The following RAI1 variants were observed in gnomAD, a reference collection of about 807,000 sequenced individuals.
RAI1 encodes the protein retinoic acid-induced protein 1.
In RAI1, 9 loss-of-function variants were observed where a neutral mutation model predicts 123.8. The ratio of observed to expected loss-of-function variants is 0.07; its 90% CI spans 0.04 to 0.13. The LOEUF (loss-of-function observed/expected upper bound fraction) is 0.13. Among genes scored for constraint, RAI1 ranks in the 10% least tolerant of loss-of-function variants. RAI1 has a pLI of 1.00. For missense variants in RAI1, 2,256 were observed against 2,545.8 expected (o/e 0.89, Z 2.45); for synonymous variants, 1,231 against 1,127.3 (o/e 1.09, Z -1.84).
intron 2 of RAI1, among the ~76,000 whole-genome samples, chr17:17,732,593 C>A (rs1916306442): frequency 6.6e-6 from 1 of 152,180 alleles, no homozygotes; most frequent in Non-Finnish European, 1.5e-5. Context: ...CAGGTCCCAA[C>A]TGAGCCTGTT....
chr17:17,716,719 CACAT>C (rs1474486947), intron 1 of RAI1, among the ~76,000 whole-genome samples: 1 of 24,136 alleles, frequency 4.1e-5, no homozygotes, highest in Non-Finnish European at 9.0e-5. Flanking sequence ...GTGTCTGGCC[CACAT>C]GTGTCTGGCC....
intron 2 of RAI1, among the ~76,000 whole-genome samples, chr17:17,781,359 T>C (rs1437233114): frequency 6.6e-6 from 1 of 152,084 alleles, no homozygotes; most frequent in Non-Finnish European, 1.5e-5. Flanking sequence ...AAATGTCAAG[T>C]GAGGGAGAGA....
intron 4 of RAI1, among the ~76,000 whole-genome samples, chr17:17,806,898 C>T (rs950989131): frequency 1.3e-5 from 2 of 152,172 alleles, no homozygotes; most frequent in South Asian, 2.1e-4. Context: ...GACCTGGGTG[C>T]GGGGAGGGGA....
rs1197967787 is a variant in RAI1, at chr17:17,706,022, C to CAAA, written c.-148-17983_-148-17981dup. 2.0e-3 allele frequency among the ~76,000 whole-genome samples: 76 copies of CAAA among 37,294 alleles called. 2 individuals carry two copies. The highest frequency in any genetic ancestry group is 5.0e-3 in the African/African-American group (57 of 11,390). 24.5% of individuals were successfully genotyped at this position (37,294 alleles called of 152,430 possible). On this transcript the variant is annotated intron_variant, in intron 1 of 5. Transcript: ENST00000353383. ...CTGGCAACAGAGCGAGACTCTGTCTCAAAAAAAAAAAAAAAAAAAAAAAAA... is the reference window on the plus strand; with the variant it reads ...CTGGCAACAGAGCGAGACTCTGTCTCAAAAAAAAAAAAAAAAAAAAAAAAAAAA...
chr17:17,767,801 C>G (rs79318165), intron 2 of RAI1, among the ~76,000 whole-genome samples: 1,972 of 152,332 alleles, frequency 0.013, 43 homozygotes, highest in African/African-American at 0.043. Flanking sequence ...CCTTGTTATT[C>G]CAGCCTTGCT....
At chr17:17,707,790 T>C (rs1915437560) in intron 1 of RAI1, among the ~76,000 whole-genome samples, 1 of 152,298 alleles carries the variant, frequency 6.6e-6, no homozygotes, top group South Asian at 2.1e-4. Context: ...GACGGGTTTT[T>C]GCCATGTTGC....
rs1385679683 is a variant in RAI1, at chr17:17,708,139, G to C, written c.-148-15889G>C. Among the ~76,000 whole-genome samples, 3 of 152,278 alleles carry C rather than the reference G, an allele frequency of 2.0e-5. No homozygotes were observed. In the East Asian group the frequency reaches 5.8e-4, roughly 29 times the overall value. On this transcript the variant is annotated intron_variant, in intron 1 of 5. Transcript: ENST00000353383. ...CCTCTCAGGTCTCTGCCTCTGCCTTGCTCCTCCTCCTTCCTCCTGCTGCCA... is the reference window on the plus strand; with the variant it reads ...CCTCTCAGGTCTCTGCCTCTGCCTTCCTCCTCCTCCTTCCTCCTGCTGCCA...
At chr17:17,741,301 G>A (rs1168974646) in intron 2 of RAI1, among the ~76,000 whole-genome samples, 6 of 152,144 alleles carry the variant, frequency 3.9e-5, no homozygotes, top group African/African-American at 7.2e-5. Context: ...AAGAAAATCC[G>A]ATTCTGGAGT....
intron 1 of RAI1, among the ~76,000 whole-genome samples, chr17:17,692,053 A>T (rs1381496155): frequency 6.6e-6 from 1 of 152,210 alleles, no homozygotes; most frequent in African/African-American, 2.4e-5. Flanking sequence ...CGTTTTGCCA[A>T]ATCAGACTTA....
chr17:17,794,804 G>T lies in RAI1; in HGVS notation c.1856G>T (p.Gly619Val). 1 of 1,613,158 alleles carries T rather than the reference G, an allele frequency of 6.2e-7. No individual in the cohort carries two copies. Among genetic ancestry groups the T allele is most frequent in the Non-Finnish European group, 8.5e-7 (1 of 1,180,030 alleles). Residue 619 changes from glycine to valine, a missense_variant, in exon 3 of 6, where the codon GGT becomes GTT. Coordinates refer to ENST00000353383, the MANE Select transcript of RAI1 (RefSeq NM_030665.4). ...ATCCTGGGGCTGCAGGAAGCCATCG[G>T]TGAGAAGGCCGACAAAGCTTGGGCT... ...SEILGLQEAI[G>V]EKADKAWAEA... is the part of the protein sequence containing the mutation.
chr17:17,763,490 G>C (rs563327321), intron 2 of RAI1, among the ~76,000 whole-genome samples: 1 of 152,340 alleles, frequency 6.6e-6, no homozygotes, highest in Non-Finnish European at 1.5e-5. Context: ...TGGGGCAGAG[G>C]GGGCACCGAG....
At chr17:17,744,031 A>C (rs927235947) in intron 2 of RAI1, among the ~76,000 whole-genome samples, 1 of 152,208 alleles carries the variant, frequency 6.6e-6, no homozygotes, top group African/African-American at 2.4e-5. Context: ...TTTTTTGCAC[A>C]GTTCTGGCCA....
Position 17,795,110 on chromosome 17 carries a change from C to T in RAI1, c.2162C>T (p.Pro721Leu). The T allele has an allele frequency of 1.9e-6, 3 of 1,614,106 alleles. No individual in the cohort carries two copies. Among genetic ancestry groups the T allele is most frequent in the Non-Finnish European group, 2.5e-6 (3 of 1,180,026 alleles). The change falls in exon 3 of 6, where the codon CCC becomes CTC. Residue 721 changes from proline to leucine, a missense_variant. Physicochemically the swap from Pro to Leu is moderately conservative, Grantham distance 98. Transcript: ENST00000353383. The surrounding 1 kb of genome is among the most constrained non-coding windows in gnomAD (Gnocchi z 5.9). ...KPTLGVPAPD[P>L]TTAAFDCFPD... is the part of the protein sequence containing the mutation. The stretch of plus-strand genomic sequence containing the variant: ...ACCCTTGGGGTTCCTGCTCCAGACC[C>T]CACTACAGCAGCTTTTGACTGTTTC...
intron 2 of RAI1, among the ~76,000 whole-genome samples, chr17:17,746,181 C>G (rs2029908315): frequency 6.6e-6 from 1 of 152,206 alleles, no homozygotes; most frequent in Non-Finnish European, 1.5e-5. Context: ...GGGTGATAGC[C>G]AAGCCCGGCA....
intron 2 of RAI1, among the ~76,000 whole-genome samples, chr17:17,742,536 C>A (rs1362791371): frequency 6.6e-6 from 1 of 152,210 alleles, no homozygotes; most frequent in Non-Finnish European, 1.5e-5. Flanking sequence ...ACCCCACTCT[C>A]CCTAAGCTCT....
rs1238989397 is a variant in RAI1 at position 17,770,628 on chromosome 17, T to C, written c.-16-22305T>C. ...GCCTGCCAGCGGCCAGGGAGGTCCA[T>C]GGGGGTGGGTGGGGGTGGGTAGCGA... is the stretch of plus-strand genomic sequence containing the variant. On this transcript the variant is annotated intron_variant, in intron 2 of 5. Transcript: ENST00000353383. Among the ~76,000 whole-genome samples the C allele has an allele frequency of 2.5e-4, 11 of 44,116 alleles. No homozygotes were observed. The Admixed American group carries it at 3.3e-3, about 13-fold the overall frequency. 28.9% of individuals were successfully genotyped at this position (44,116 alleles called of 152,430 possible). A position where few individuals can be genotyped will look rare whatever the true frequency, so the allele number is the denominator to read the frequency against.
At chr17:17,756,448 C>G (rs1370193278) in intron 2 of RAI1, among the ~76,000 whole-genome samples, 1 of 152,194 alleles carries the variant, frequency 6.6e-6, no homozygotes, top group Non-Finnish European at 1.5e-5. Context: ...CCACCTGCCT[C>G]TGCCTCCCAA....
At position 17,795,883 on chromosome 17, in the gene RAI1, C is replaced by T. The variant is rs1361020443; in HGVS notation, c.2935C>T (p.Pro979Ser). ...CTCTCTGGCCCAGAAGCCCAACAAG[C>T]CTGCTGTGCCCGAGGCGCCCATCGC... ...DASLAQKPNK[P>S]AVPEAPIAKK... Residue 979 changes from proline to serine, a missense_variant, in exon 3 of 6, where the codon CCT (proline) becomes TCT (serine). By Grantham distance (74) the Pro-to-Ser change is moderately conservative. Transcript: ENST00000353383. This position sits in a 1 kb window ranked among gnomAD's most constrained non-coding sequence, Gnocchi z 5.9. 6.2e-7 allele frequency: 1 copy of T among 1,612,310 alleles called. No homozygotes were observed.
intron 2 of RAI1, among the ~76,000 whole-genome samples, chr17:17,727,632 C>T (rs770560209): frequency 6.6e-6 from 1 of 152,140 alleles, no homozygotes; most frequent in Non-Finnish European, 1.5e-5. Flanking sequence ...GCTGAGGATC[C>T]AAAGCAGATG....
Sources: allele counts gnomAD v4.1 joint callset (sites outside exome capture counted in the v4.1 genomes callset), GRCh38; gene constraint gnomAD v4.1.1; non-coding constraint Gnocchi (gnomAD v3.1); transcripts MANE v1.5; gene names NCBI Gene and HGNC (gene_info 2026-07-23, HGNC 2026-07-21).